Variants in ARMC9 observed in about 807,000 individuals in gnomAD.
ARMC9 encodes the protein lisH domain-containing protein ARMC9.
A neutral mutation model predicts 107.0 loss-of-function variants in ARMC9; 94 were observed. That is an observed-to-expected ratio of 0.88 (90% CI 0.74 to 1.04). ARMC9 has a LOEUF of 1.04. ARMC9 is among the 50% of genes least tolerant of loss of function. The pLI is 0.00. For missense variants in ARMC9, 942 were observed against 1,030.1 expected (o/e 0.91, Z 1.17); for synonymous variants, 380 against 396.9 (o/e 0.96, Z 0.51).
chr2:231,217,295 G>A (rs1444899339), intron 5 of ARMC9, among the ~76,000 whole-genome samples: 1 of 152,186 alleles, frequency 6.6e-6, no homozygotes, highest in African/African-American at 2.4e-5. Flanking sequence ...AAATGTTACA[G>A]AAAGTTGGCT....
At chr2:231,320,026 G>A (rs759049140) in intron 19 of ARMC9, among the ~76,000 whole-genome samples, 1 of 151,986 alleles carries the variant, frequency 6.6e-6, no homozygotes, top group African/African-American at 2.4e-5. Flanking sequence ...TACATAAGTG[G>A]CTAGTATTAT....
At chr2:231,227,000 A>G (rs541383344) in intron 7 of ARMC9, among the ~76,000 whole-genome samples, 6 of 152,300 alleles carry the variant, frequency 3.9e-5, no homozygotes, top group African/African-American at 1.4e-4. Flanking sequence ...TTCGTCTTGC[A>G]TGTCAGGTAG....
At chr2:231,317,134 G>A (rs1266139231) in intron 19 of ARMC9, among the ~76,000 whole-genome samples, 1 of 151,766 alleles carries the variant, frequency 6.6e-6, no homozygotes, top group Non-Finnish European at 1.5e-5. Context: ...ATGTACCTAG[G>A]TGTGGGTTTT....
chr2:231,248,572 G>A (rs184475665), intron 9 of ARMC9, among the ~76,000 whole-genome samples: 116 of 152,194 alleles, frequency 7.6e-4, no homozygotes, highest in African/African-American at 2.6e-3. Flanking sequence ...CCTTTGGGAG[G>A]CCGAGGCGGG....
At chr2:231,278,316 A>C in intron 15 of ARMC9, 66 bp from the exon 16 acceptor site, 2 of 1,518,790 alleles carry the variant, frequency 1.3e-6, no homozygotes, top group Non-Finnish European at 1.8e-6. Context: ...CTCCAAGTCT[A>C]CCTGACCTAA....
At chr2:231,253,047 A>G (rs1169792704) in intron 9 of ARMC9, among the ~76,000 whole-genome samples, 1 of 152,222 alleles carries the variant, frequency 6.6e-6, no homozygotes, top group Non-Finnish European at 1.5e-5. Flanking sequence ...GTTAAAAAGT[A>G]TAAAAACATA....
chr2:231,268,452 T>G (rs1167698208), intron 12 of ARMC9, among the ~76,000 whole-genome samples: 1 of 152,178 alleles, frequency 6.6e-6, no homozygotes, highest in Non-Finnish European at 1.5e-5. Flanking sequence ...TGGAAAACAT[T>G]CTGGTGCATA....
At chr2:231,274,526 A>G (rs1039971438) in intron 14 of ARMC9, among the ~76,000 whole-genome samples, 1 of 152,170 alleles carries the variant, frequency 6.6e-6, no homozygotes, top group Non-Finnish European at 1.5e-5. Flanking sequence ...TCGTGTGGAC[A>G]TATGTTTCTT....
intron 12 of ARMC9, among the ~76,000 whole-genome samples, chr2:231,267,423 G>A (rs2038949673): frequency 6.6e-6 from 1 of 152,060 alleles, no homozygotes; most frequent in South Asian, 2.1e-4. Context: ...TGGAGATGGG[G>A]TTTCGCCATG....
rs1456350515 is a variant in ARMC9, at chr2:231,376,646, C to T, written c.*5111C>T. Among the ~76,000 whole-genome samples, 3 of 152,138 alleles carry T rather than the reference C, an allele frequency of 2.0e-5. No homozygotes were observed. Among genetic ancestry groups the T allele is most frequent in the Non-Finnish European group, 2.9e-5 (2 of 68,040 alleles). On this transcript the variant is annotated 3_prime_UTR_variant, in exon 25 of 25. Coordinates refer to ENST00000611582, the MANE Select transcript of ARMC9 (RefSeq NM_001352754.2). ...TTAATTTTGCCTTGGTCCTGTGGTC[C>T]TGTGATCTCGCCCTGCCTCCACTTG...
At chr2:231,217,061 G>A (rs2033588519) in intron 5 of ARMC9, among the ~76,000 whole-genome samples, 1 of 152,076 alleles carries the variant, frequency 6.6e-6, no homozygotes, top group Non-Finnish European at 1.5e-5. Flanking sequence ...CTTTGTAATA[G>A]CAAAAACTAG....
At chr2:231,336,963 C>A (rs905041683) in intron 20 of ARMC9, among the ~76,000 whole-genome samples, 1 of 152,142 alleles carries the variant, frequency 6.6e-6, no homozygotes, top group African/African-American at 2.4e-5. Context: ...AGGAGAGGGC[C>A]CTGGGATCCT....
chr2:231,205,906 A>T (rs1057007950), intron 1 of ARMC9, among the ~76,000 whole-genome samples: 1 of 152,140 alleles, frequency 6.6e-6, no homozygotes, highest in African/African-American at 2.4e-5. Flanking sequence ...ACATCTCATC[A>T]TGCTGGCACT....
intron 20 of ARMC9, among the ~76,000 whole-genome samples, chr2:231,339,082 C>T (rs894486715): frequency 6.6e-5 from 10 of 152,160 alleles, no homozygotes; most frequent in African/African-American, 2.4e-4. Context: ...GTAATCCCAG[C>T]ACTTTGGGAG....
At chr2:231,311,147 T>A (rs1188699052) in intron 19 of ARMC9, among the ~76,000 whole-genome samples, 1 of 151,884 alleles carries the variant, frequency 6.6e-6, no homozygotes, top group Non-Finnish European at 1.5e-5. Flanking sequence ...AAAATAAAAA[T>A]AGAAAAAGAC....
At chr2:231,295,270 A>C (rs1392366722) in intron 18 of ARMC9, 1 of 152,296 alleles carries the variant, frequency 6.6e-6, no homozygotes, top group Non-Finnish European at 1.5e-5. Context: ...CCAGGGACTC[A>C]CAGTTCAGTG....
intron 9 of ARMC9, among the ~76,000 whole-genome samples, chr2:231,248,150 A>C (rs960449502): frequency 1.3e-5 from 2 of 152,142 alleles, no homozygotes; most frequent in Non-Finnish European, 2.9e-5. Flanking sequence ...CACTCCAGGG[A>C]ACACCTGGGA....
chr2:231,275,821 C>T (rs561603093), intron 14 of ARMC9, among the ~76,000 whole-genome samples: 3 of 152,188 alleles, frequency 2.0e-5, no homozygotes, highest in South Asian at 2.1e-4. Flanking sequence ...GGTGTGGTGG[C>T]GCATGCCTGT....
chr2:231,223,465 C>T (rs977538732), intron 6 of ARMC9, among the ~76,000 whole-genome samples: 7 of 152,044 alleles, frequency 4.6e-5, no homozygotes, highest in Non-Finnish European at 1.0e-4. Flanking sequence ...AGACTAATTT[C>T]CCAAAGGTTA....
Sources: allele counts gnomAD v4.1 joint callset (sites outside exome capture counted in the v4.1 genomes callset), GRCh38; gene constraint gnomAD v4.1.1; transcripts MANE v1.5; gene names NCBI Gene and HGNC (gene_info 2026-07-23, HGNC 2026-07-21).